Variants in IFT57 observed in about 807,000 individuals in gnomAD.
IFT57 encodes the protein intraflagellar transport 57, also known as intraflagellar transport protein 57 homolog.
In IFT57, 59 loss-of-function variants were observed where a neutral mutation model predicts 56.8. That is an observed-to-expected ratio of 1.04 (90% confidence interval 0.84 to 1.29). The LOEUF is 1.29. IFT57 is among the 50% of genes most tolerant of loss of function. The pLI is 0.00. For missense variants in IFT57, 470 were observed against 522.1 expected (o/e 0.90, Z 0.97); for synonymous variants, 209 against 186.1 (o/e 1.12, Z -1.00).
chr3:108,201,167 G>A lies in IFT57; in HGVS notation c.654+5461C>T, dbSNP rs141943718. On this transcript the variant is annotated intron_variant, in intron 5 of 10. Transcript: ENST00000264538. ...TGACACAGAGTCAGGAATTCATCTCGGGCTGCTATTTCTGCCATTGAATCT... is the reference window on the plus strand; with the variant it reads ...TGACACAGAGTCAGGAATTCATCTCAGGCTGCTATTTCTGCCATTGAATCT... Among the ~76,000 whole-genome samples, 296 of 152,206 alleles carry A rather than the reference G, an allele frequency of 1.9e-3. 2 individuals are homozygous for A. Among genetic ancestry groups the A allele is most frequent in the Non-Finnish European group, 3.5e-3 (238 of 68,012 alleles).
At chr3:108,196,268 TC>T (rs2080243847) in intron 5 of IFT57, among the ~76,000 whole-genome samples, 1 of 152,148 alleles carries the variant, frequency 6.6e-6, no homozygotes, top group African/African-American at 2.4e-5. Flanking sequence ...CACCCTCATT[TC>T]CAACCCCTCT....
chr3:108,205,992 ATTTATG>A (rs1423905363), intron 5 of IFT57, among the ~76,000 whole-genome samples: 10,995 of 45,308 alleles, frequency 0.24, 536 homozygotes, highest in Non-Finnish European at 0.4. Context: ...TATATAATAT[ATTTATG>A]TTATATATTA....
At chr3:108,168,000 C>T (rs904866305) in intron 6 of IFT57, 136 bp from the exon 7 acceptor site, 4 of 479,480 alleles carry the variant, frequency 8.3e-6, no homozygotes, top group Non-Finnish European at 1.5e-5. Context: ...TTATAGCTTG[C>T]AATCAGATTA....
chr3:108,179,456 G>T (rs1184249761), intron 6 of IFT57, among the ~76,000 whole-genome samples: 1 of 151,984 alleles, frequency 6.6e-6, no homozygotes, highest in Non-Finnish European at 1.5e-5. Flanking sequence ...CATGCTTTCT[G>T]CAAGGATATG....
At chr3:108,187,024 A>G (rs752025272) in intron 6 of IFT57, among the ~76,000 whole-genome samples, 1 of 152,194 alleles carries the variant, frequency 6.6e-6, no homozygotes, top group Non-Finnish European at 1.5e-5. Flanking sequence ...AGCTATTAGT[A>G]GGTAAGTTCT....
intron 9 of IFT57, among the ~76,000 whole-genome samples, chr3:108,165,153 AATT>A (rs1302648800): frequency 6.7e-6 from 1 of 149,910 alleles, no homozygotes; most frequent in Non-Finnish European, 1.5e-5. Context: ...TGTTAATAAT[AATT>A]ATTATGTAAA....
chr3:108,191,540 G>T lies in IFT57; in HGVS notation c.758C>A (p.Thr253Lys). The change falls in exon 6 of 11, where the codon ACG becomes AAG. Residue 253 changes from threonine (T) to lysine (K), a missense_variant. Thr to Lys is a moderately conservative substitution (Grantham distance 78). Transcript: ENST00000264538. ...VERVLPQLKVTIRTDNKDWRI... is the reference protein window; with the variant it reads ...VERVLPQLKVKIRTDNKDWRI... ...TGATACCTTATTGTCAGTCCTAATC[G>T]TGACTTTCAGTTGCGGTAGTACACG... The T allele has an allele frequency of 6.3e-7, 1 of 1,597,654 alleles. No homozygotes were observed. The highest frequency in any genetic ancestry group is 8.5e-7 in the Non-Finnish European group (1 of 1,172,400).
chr3:108,191,334 T>C (rs946050848), intron 6 of IFT57, among the ~76,000 whole-genome samples, 187 bp downstream of exon 6: 1 of 152,206 alleles, frequency 6.6e-6, no homozygotes, highest in African/African-American at 2.4e-5. Context: ...TTTGCTTTGC[T>C]TTTTGGACCA....
intron 1 of IFT57, among the ~76,000 whole-genome samples, chr3:108,220,412 T>A (rs2080399087): frequency 6.6e-6 from 1 of 152,268 alleles, no homozygotes; most frequent in Non-Finnish European, 1.5e-5. Flanking sequence ...ACAACTATTA[T>A]AACCATTGTC....
In IFT57 at chr3:108,206,660, G is replaced by C; in HGVS notation, c.622C>G (p.Leu208Val). ...TATGTCTGGGCCTTTAAAACGTTGAGATCAATAAAGTTTTCTTCATTATCT... is the reference window on the plus strand; with the variant it reads ...TATGTCTGGGCCTTTAAAACGTTGACATCAATAAAGTTTTCTTCATTATCT... ...ETDNEENFID[L>V]NVLKAQTYHL... Residue 208 changes from leucine (L) to valine (V), a missense_variant, in exon 5 of 11, where the codon CTC becomes GTC. Leu to Val is a conservative substitution (Grantham distance 32, BLOSUM62 1). Coordinates refer to ENST00000264538, the MANE Select transcript of IFT57 (RefSeq NM_018010.4). 2.1e-6 allele frequency: 3 copies of C among 1,396,592 alleles called. No individual in the cohort carries two copies. The highest frequency in any genetic ancestry group is 2.9e-6 in the Non-Finnish European group (3 of 1,051,320). 86.5% of individuals were successfully genotyped at this position (1,396,592 alleles called of 1,614,324 possible).
chr3:108,183,971 T>C (rs1379735817), intron 6 of IFT57, among the ~76,000 whole-genome samples: 2 of 152,186 alleles, frequency 1.3e-5, no homozygotes, highest in African/African-American at 4.8e-5. Flanking sequence ...TTCAATTGAT[T>C]CATGTAAAAA....
rs1400439998 is a variant in IFT57 at position 108,219,467 on chromosome 3, T to C, written c.318A>G (p.Gln106=). ...NKAGRPFEQP[Q]EYDDPNATIS... is the part of the protein sequence containing the mutation. Reference sequence around the variant, plus strand: ...TTGTTGCATTAGGGTCATCATATTCTTGAGGCTGCTCAAAGGGACGTCCCG... The same window carrying C: ...TTGTTGCATTAGGGTCATCATATTCCTGAGGCTGCTCAAAGGGACGTCCCG... Residue 106 remains glutamine, a synonymous_variant, in exon 2 of 11, where the codon CAA becomes CAG. Transcript: ENST00000264538. 6.2e-7 allele frequency: 1 copy of C among 1,614,014 alleles called. No individual in the cohort carries two copies. Among genetic ancestry groups the C allele is most frequent in the South Asian group, 1.1e-5 (1 of 91,078 alleles).
intron 6 of IFT57, among the ~76,000 whole-genome samples, chr3:108,169,564 C>A (rs914971608): frequency 1.3e-5 from 2 of 151,974 alleles, no homozygotes; most frequent in Non-Finnish European, 2.9e-5. Flanking sequence ...TTTGCCCATG[C>A]CTATATCCTG....
At chr3:108,197,980 G>T (rs557025133) in intron 5 of IFT57, among the ~76,000 whole-genome samples, 1 of 151,976 alleles carries the variant, frequency 6.6e-6, no homozygotes, top group Non-Finnish European at 1.5e-5. Flanking sequence ...TTAACCCCTG[G>T]TATATTTTAG....
chr3:108,219,641 G>T, intron 1 of IFT57, 69 bp from the exon 2 acceptor site: 1 of 1,455,074 alleles, frequency 6.9e-7, no homozygotes, highest in Non-Finnish European at 9.5e-7. Flanking sequence ...TAACTAATAG[G>T]GCCGAATTCA....
At chr3:108,213,246 G>A (rs1334731502) in intron 4 of IFT57, among the ~76,000 whole-genome samples, 1 of 151,996 alleles carries the variant, frequency 6.6e-6, no homozygotes, top group Non-Finnish European at 1.5e-5. Flanking sequence ...TGTGGGGGCC[G>A]ATGCCCATAA....
chr3:108,178,032 C>A (rs2080133336), intron 6 of IFT57, among the ~76,000 whole-genome samples: 1 of 151,528 alleles, frequency 6.6e-6, no homozygotes, highest in Non-Finnish European at 1.5e-5. Context: ...TTTCTATATA[C>A]CAGCAACAAA....
chr3:108,209,239 T>C (rs1437609227), intron 4 of IFT57, among the ~76,000 whole-genome samples: 1 of 152,226 alleles, frequency 6.6e-6, no homozygotes, highest in Non-Finnish European at 1.5e-5. Context: ...GTACTGACTT[T>C]ATATCACAGT....
In IFT57 at chr3:108,167,815, T is replaced by A. The variant is rs751082460; in HGVS notation, c.827A>T (p.Glu276Val). 6.3e-7 allele frequency: 1 copy of A among 1,591,288 alleles called. No homozygotes were observed. The highest frequency in any genetic ancestry group is 1.1e-5 in the South Asian group (1 of 88,012). ...TACCTTGGTCTCCTTTAGAGCAGAT[T>A]CAATTCCACTTCTGTGCTGGTGCAT... ...DQMHQHRSGIESALKETKGFL... is the reference protein window; with the variant it reads ...DQMHQHRSGIVSALKETKGFL... The change falls in exon 7 of 11, where the codon GAA (glutamate) becomes GTA (valine). Residue 276 changes from glutamate to valine, a missense_variant. By Grantham distance (121) the Glu-to-Val change is moderately radical. Transcript: ENST00000264538.
Sources: allele counts gnomAD v4.1 joint callset (sites outside exome capture counted in the v4.1 genomes callset), GRCh38; gene constraint gnomAD v4.1.1; transcripts MANE v1.5; gene names NCBI Gene and HGNC (gene_info 2026-07-23, HGNC 2026-07-21).